The following ARID4A variants were observed in gnomAD, a reference collection of about 807,000 sequenced individuals.
The protein encoded by ARID4A is AT-rich interaction domain 4A, also known as AT-rich interactive domain-containing protein 4A.
In ARID4A, 39 loss-of-function variants were observed where a neutral mutation model predicts 148.6. The ratio of observed to expected loss-of-function variants is 0.26; its 90% CI spans 0.20 to 0.34. The LOEUF (loss-of-function observed/expected upper bound fraction) is 0.34, where lower values mean the gene tolerates loss of function less well. ARID4A is among the 10% of genes least tolerant of loss of function. The pLI, the probability that ARID4A is intolerant of heterozygous loss-of-function variation, is 1.00. For missense variants in ARID4A, 1,265 were observed against 1,449.1 expected (o/e 0.87, Z 2.06); for synonymous variants, 475 against 481.2 (o/e 0.99, Z 0.17).
At chr14:58,356,602 G>A (rs1157655448) in intron 17 of ARID4A, among the ~76,000 whole-genome samples, 1 of 151,672 alleles carries the variant, frequency 6.6e-6, no homozygotes, top group East Asian at 1.9e-4. Context: ...AGTACAGGCA[G>A]TTCCTAACTT....
At chr14:58,307,809 A>G (rs2031724271) in intron 5 of ARID4A, among the ~76,000 whole-genome samples, 1 of 152,244 alleles carries the variant, frequency 6.6e-6, no homozygotes, top group Non-Finnish European at 1.5e-5. Flanking sequence ...AACAAGAGCA[A>G]AACTGCGTCT....
At chr14:58,346,649 C>G in intron 13 of ARID4A, 144 bp downstream of exon 13, 1 of 597,644 alleles carries the variant, frequency 1.7e-6, no homozygotes, top group South Asian at 2.6e-5. Flanking sequence ...TTTTCCTGGC[C>G]AGGCACGGTG....
chr14:58,304,797 A>C, intron 3 of ARID4A, 147 bp from the exon 4 acceptor site: 1 of 655,628 alleles, frequency 1.5e-6, no homozygotes. Context: ...CTCACAGTTA[A>C]TAAGAGAATG....
At chr14:58,324,261 A>G (rs2033093307) in intron 8 of ARID4A, among the ~76,000 whole-genome samples, 2 of 151,860 alleles carry the variant, frequency 1.3e-5, no homozygotes, top group Admixed American at 1.3e-4. Flanking sequence ...TCCAGTACTA[A>G]CTTTTATAGA....
chr14:58,304,935 GT>G lies in ARID4A; in HGVS notation c.118-4del. ...TAATATGCAAATTATTGTGCAAAAT[GT>G]TTTTCAGGTACTCCTGAAACAGGAT... is the stretch of plus-strand genomic sequence containing the variant. On this transcript the variant is annotated splice_polypyrimidine_tract_variant and splice_region_variant and intron_variant, in intron 3 of 23. Transcript: ENST00000355431. 6.2e-7 allele frequency: 1 copy of G among 1,603,886 alleles called. No homozygotes were observed. The highest frequency in any genetic ancestry group is 1.1e-5 in the South Asian group (1 of 88,704).
Position 58,373,295 on chromosome 14 carries a change from A to G in ARID4A, c.*1306A>G, listed in dbSNP as rs1249531630. 5.1e-6 allele frequency: 1 copy of G among 194,680 alleles called. No individual in the cohort carries two copies. Among genetic ancestry groups the G allele is most frequent in the African/African-American group, 2.3e-5 (1 of 43,152 alleles). The allele number at this position is 194,680 out of a possible 1,614,324, so 12.1% of individuals were successfully genotyped here. Reference sequence around the variant, plus strand: ...TTCCACAGACTGATAGATTTTGTAAATAATTCTTCCAAAATCATGTATTTA... The same window carrying G: ...TTCCACAGACTGATAGATTTTGTAAGTAATTCTTCCAAAATCATGTATTTA... On this transcript the variant is annotated 3_prime_UTR_variant, in exon 24 of 24. Transcript: ENST00000355431.
At chr14:58,300,957 C>T (rs1035094666) in intron 2 of ARID4A, among the ~76,000 whole-genome samples, 4 of 152,070 alleles carry the variant, frequency 2.6e-5, no homozygotes, top group Admixed American at 2.0e-4. Context: ...TTCTTAGTAA[C>T]GCTTATTTTT....
chr14:58,330,243 T>TC, intron 11 of ARID4A, 74 bp downstream of exon 11: 1 of 1,522,778 alleles, frequency 6.6e-7, no homozygotes, highest in Non-Finnish European at 8.8e-7. Context: ...CATATATTTT[T>TC]CCCTCTGTTT....
At chr14:58,367,819 G>C (rs1280837271) in intron 23 of ARID4A, among the ~76,000 whole-genome samples, 2 of 152,158 alleles carry the variant, frequency 1.3e-5, no homozygotes, top group East Asian at 3.9e-4. Context: ...AATGTCAACA[G>C]TATATCTTTT....
At chr14:58,300,921 C>T (rs2031104648) in intron 2 of ARID4A, among the ~76,000 whole-genome samples, 1 of 151,696 alleles carries the variant, frequency 6.6e-6, no homozygotes, top group African/African-American at 2.4e-5. Context: ...TCATTCTGGT[C>T]GTGTCCATTT....
At chr14:58,348,013 A>G (rs902191498) in intron 15 of ARID4A, 135 bp downstream of exon 15, 1 of 613,734 alleles carries the variant, frequency 1.6e-6, no homozygotes, top group African/African-American at 1.9e-5. Flanking sequence ...TTAGCTAGCT[A>G]CTTTTTTCGA....
chr14:58,307,297 C>A (rs1213693515), intron 5 of ARID4A, among the ~76,000 whole-genome samples: 5 of 152,156 alleles, frequency 3.3e-5, no homozygotes, highest in Admixed American at 2.6e-4. Flanking sequence ...TCATTCACAT[C>A]CAGTTGATGC....
chr14:58,368,391 C>T (rs2035452538), intron 23 of ARID4A, among the ~76,000 whole-genome samples: 1 of 152,142 alleles, frequency 6.6e-6, no homozygotes, highest in African/African-American at 2.4e-5. Flanking sequence ...AAGATCCTTG[C>T]CAATCACTAC....
chr14:58,361,084 C>G, intron 19 of ARID4A, 42 bp downstream of exon 19: 1 of 1,564,586 alleles, frequency 6.4e-7, no homozygotes, highest in Non-Finnish European at 8.7e-7. Flanking sequence ...CAGCTCACCT[C>G]TGTCAAATGG....
At position 58,304,957 on chromosome 14, in the gene ARID4A, A is replaced by G. The variant is rs1227519107; in HGVS notation, c.131A>G (p.Gln44Arg). The G allele has an allele frequency of 3.1e-6, 5 of 1,608,288 alleles. No individual in the cohort carries two copies. In the South Asian group the frequency reaches 5.6e-5, roughly 18 times the overall value. Residue 44 changes from glutamine to arginine, a missense_variant, in exon 4 of 24, where the codon CAG (glutamine) becomes CGG (arginine). Transcript: ENST00000355431. ...AATGTTTTTCAGGTACTCCTGAAAC[A>G]GGATAATACCACACAATTGGTACAA... ...RLVKVKVLLK[Q>R]DNTTQLVQDD...
In ARID4A at chr14:58,368,134, G is replaced by T. The variant is rs1276644868; in HGVS notation, c.3670+1105G>T. ...GAAATCAGTAGGCCTGTAGACTTGGGGGCACCAGCCACAGCTGAGGGTAAT... is the reference window on the plus strand; with the variant it reads ...GAAATCAGTAGGCCTGTAGACTTGGTGGCACCAGCCACAGCTGAGGGTAAT... On this transcript the variant is annotated intron_variant, in intron 23 of 23. Coordinates refer to ENST00000355431, the MANE Select transcript of ARID4A (RefSeq NM_002892.4). Among the ~76,000 whole-genome samples the T allele has an allele frequency of 6.6e-5, 10 of 152,240 alleles. No homozygotes were observed. In the East Asian group the frequency reaches 1.7e-3, roughly 26 times the overall value.
In ARID4A at chr14:58,299,780, C is replaced by T. The variant is rs1000796263; in HGVS notation, c.-57-18C>T. The T allele has an allele frequency of 5.2e-5, 84 of 1,605,398 alleles. 3 individuals are homozygous for T. Among genetic ancestry groups the T allele is most frequent in the East Asian group, 2.2e-5 (1 of 44,830 alleles). ...GTTGACTGATTATGTCTGTGCCTGT[C>T]TTTCCCCCTCCCCATAGTTCTAGCG... On this transcript the variant is annotated intron_variant, in intron 1 of 23. Coordinates refer to ENST00000355431, the MANE Select transcript of ARID4A (RefSeq NM_002892.4).
intron 7 of ARID4A, among the ~76,000 whole-genome samples, chr14:58,319,030 C>T (rs2032663594): frequency 6.6e-6 from 1 of 152,068 alleles, no homozygotes; most frequent in Non-Finnish European, 1.5e-5. Context: ...TTTTAAGTTA[C>T]TTTGCCGAAG....
intron 5 of ARID4A, among the ~76,000 whole-genome samples, chr14:58,309,728 C>T (rs545845574): frequency 6.6e-6 from 1 of 152,262 alleles, no homozygotes; most frequent in East Asian, 1.9e-4. Context: ...TGTACACACA[C>T]AGATCATTTA....
Sources: allele counts gnomAD v4.1 joint callset (sites outside exome capture counted in the v4.1 genomes callset), GRCh38; gene constraint gnomAD v4.1.1; transcripts MANE v1.5; gene names NCBI Gene and HGNC (gene_info 2026-07-23, HGNC 2026-07-21).